MOB3B: variants seen among roughly 807,000 people sequenced by gnomAD.
MOB3B encodes MOB kinase activator-like 2B.
In MOB3B, 7 loss-of-function variants were observed where a neutral mutation model predicts 18.7. That is an observed-to-expected ratio of 0.37 (90% CI 0.21 to 0.70). The LOEUF (loss-of-function observed/expected upper bound fraction) is 0.70. Among genes scored for constraint, MOB3B ranks in the 30% least tolerant of loss-of-function variants. The probability of loss-of-function intolerance (pLI) is 0.52; values close to 1 mark genes in which losing one functional copy is unlikely to be tolerated. For synonymous variants in MOB3B, 111 were observed against 99.9 expected, an observed-to-expected ratio of 1.11 and a Z score of -0.66; for missense variants, 253 against 281.3, an observed-to-expected ratio of 0.90 and a Z score of 0.72.
At chr9:27,410,545 G>T (rs553219236) in intron 2 of MOB3B, among the ~76,000 whole-genome samples, 2 of 151,918 alleles carry the variant, frequency 1.3e-5, no homozygotes, top group South Asian at 2.1e-4. Context: ...TTCCTGTGAT[G>T]AATGTATATT....
intron 2 of MOB3B, among the ~76,000 whole-genome samples, chr9:27,408,115 C>A (rs925187668): frequency 8.5e-5 from 13 of 152,178 alleles, no homozygotes; most frequent in African/African-American, 3.1e-4. Flanking sequence ...ACAGAAGGCT[C>A]ACAACAAACC....
At chr9:27,474,554 G>C in intron 1 of MOB3B, among the ~76,000 whole-genome samples, 1 of 152,288 alleles carries the variant, frequency 6.6e-6, no homozygotes, top group Non-Finnish European at 1.5e-5. Flanking sequence ...TAGTCACCAT[G>C]ATGCATGTGC....
chr9:27,504,792 A>G (rs1231498179), intron 1 of MOB3B, among the ~76,000 whole-genome samples: 1 of 152,184 alleles, frequency 6.6e-6, no homozygotes, highest in South Asian at 2.1e-4. Context: ...GGCTTCAAAC[A>G]TCATAAGGTG....
chr9:27,528,369 T>C (rs1323527220), intron 1 of MOB3B, among the ~76,000 whole-genome samples: 1 of 152,240 alleles, frequency 6.6e-6, no homozygotes, highest in African/African-American at 2.4e-5. Context: ...ACGCTCTGGA[T>C]TGGGGCGGAA....
intron 2 of MOB3B, chr9:27,378,491 C>G: frequency 2.1e-6 from 1 of 471,176 alleles, no homozygotes; most frequent in Non-Finnish European, 4.4e-6. Context: ...GGCGCAAGGG[C>G]AAAAGCCAGG....
At chr9:27,412,632 C>T (rs1450813416) in intron 2 of MOB3B, among the ~76,000 whole-genome samples, 1 of 152,136 alleles carries the variant, frequency 6.6e-6, no homozygotes, top group Non-Finnish European at 1.5e-5. Flanking sequence ...TCTGAATTTA[C>T]AGCCATACAT....
intron 2 of MOB3B, among the ~76,000 whole-genome samples, chr9:27,386,334 T>C (rs1243507116): frequency 6.6e-6 from 1 of 152,234 alleles, no homozygotes; most frequent in Non-Finnish European, 1.5e-5. Flanking sequence ...ATCATTATTA[T>C]TGACACATGG....
intron 1 of MOB3B, among the ~76,000 whole-genome samples, chr9:27,511,314 G>A (rs1013042297): frequency 6.6e-6 from 1 of 151,982 alleles, no homozygotes; most frequent in Non-Finnish European, 1.5e-5. Flanking sequence ...CCTTTAGTTC[G>A]GTGTGAACTT....
At chr9:27,386,353 C>T (rs929003031) in intron 2 of MOB3B, among the ~76,000 whole-genome samples, 5 of 152,112 alleles carry the variant, frequency 3.3e-5, no homozygotes, top group Non-Finnish European at 5.9e-5. Flanking sequence ...GGGAGAGGAA[C>T]GATTCAACAA....
rs1026468279 is a variant in MOB3B, at chr9:27,402,676, C to T, written c.419-43440G>A. Among the ~76,000 whole-genome samples, 6 of 152,266 alleles carry T rather than the reference C, an allele frequency of 3.9e-5. No individual in the cohort carries two copies. In the South Asian group the frequency reaches 8.3e-4, roughly 21 times the overall value. On this transcript the variant is annotated intron_variant, in intron 2 of 3. Coordinates refer to ENST00000262244, the MANE Select transcript of MOB3B (RefSeq NM_024761.5). ...TTTGGTAATTGCTATCACAAAACACCAAATGGGGACTGCCTTCATTTTCAT... is the reference window on the plus strand; with the variant it reads ...TTTGGTAATTGCTATCACAAAACACTAAATGGGGACTGCCTTCATTTTCAT...
intron 2 of MOB3B, among the ~76,000 whole-genome samples, chr9:27,406,288 C>A (rs2131397343): frequency 6.6e-6 from 1 of 152,162 alleles, no homozygotes. Flanking sequence ...CAGTGAACAA[C>A]CTGAAAAAGA....
chr9:27,440,989 G>A (rs564473809), intron 2 of MOB3B, among the ~76,000 whole-genome samples: 2 of 152,224 alleles, frequency 1.3e-5, no homozygotes, highest in East Asian at 3.9e-4. Context: ...AGTCTCATAA[G>A]GAGTGAGCAA....
chr9:27,482,448 G>C (rs1465831575), intron 1 of MOB3B, among the ~76,000 whole-genome samples: 1 of 152,226 alleles, frequency 6.6e-6, no homozygotes, highest in African/African-American at 2.4e-5. Context: ...AAAGAATGGA[G>C]AGGAGGAAGA....
At chr9:27,470,028 G>A (rs1819447062) in intron 1 of MOB3B, among the ~76,000 whole-genome samples, 1 of 148,690 alleles carries the variant, frequency 6.7e-6, no homozygotes, top group Non-Finnish European at 1.5e-5. Flanking sequence ...AGGATCACAT[G>A]AGCCTAGGAG....
chr9:27,495,572 T>A (rs2453560), intron 1 of MOB3B, among the ~76,000 whole-genome samples: 2 of 151,902 alleles, frequency 1.3e-5, no homozygotes, highest in Admixed American at 1.3e-4. Context: ...GACTGCTGAA[T>A]TCAATTCAGA....
At chr9:27,351,001 C>G (rs1821097593) in intron 3 of MOB3B, among the ~76,000 whole-genome samples, 2 of 151,392 alleles carry the variant, frequency 1.3e-5, no homozygotes, top group Non-Finnish European at 2.9e-5. Flanking sequence ...CTCCTGGGTT[C>G]AAGCAATTCT....
chr9:27,524,747 A>G, intron 1 of MOB3B: 3 of 1,613,972 alleles, frequency 1.9e-6, no homozygotes, highest in Non-Finnish European at 2.5e-6. Flanking sequence ...ATGAAAATGA[A>G]GACATGAAAG....
intron 2 of MOB3B, among the ~76,000 whole-genome samples, chr9:27,426,057 C>A (rs1020155917): frequency 1.4e-4 from 21 of 152,164 alleles, no homozygotes; most frequent in Admixed American, 1.4e-3. Flanking sequence ...CTTACCACAG[C>A]TAAGCCTTTA....
At chr9:27,375,538 C>T (rs1821477606) in intron 2 of MOB3B, among the ~76,000 whole-genome samples, 1 of 152,132 alleles carries the variant, frequency 6.6e-6, no homozygotes, top group African/African-American at 2.4e-5. Flanking sequence ...TACTAGGGTG[C>T]ATTTGATCTA....
Sources: gnomAD v4.1 joint callset for allele counts (sites outside exome capture counted in the v4.1 genomes callset) on GRCh38, gnomAD v4.1.1 for gene constraint, MANE v1.5 for transcripts, NCBI Gene and HGNC (gene_info 2026-07-23, HGNC 2026-07-21) for gene names.